CNBD2: variants seen among roughly 807,000 people sequenced by gnomAD.
CNBD2 encodes cyclic nucleotide-binding domain-containing protein 2.
A neutral mutation model predicts 63.7 loss-of-function variants in CNBD2; 64 were observed. The observed-to-expected ratio is 1.00, with a 90% confidence interval of 0.82 to 1.24. The LOEUF is 1.24. Among genes scored for constraint, CNBD2 ranks in the 50% most tolerant of loss-of-function variants. The pLI is 0.00. For synonymous variants in CNBD2, 229 were observed against 255.4 expected (o/e 0.90, Z 0.99); for missense variants, 691 against 713.5 (o/e 0.97, Z 0.36).
At chr20:36,027,759 T>C (rs1359594224) in intron 11 of CNBD2, among the ~76,000 whole-genome samples, 1 of 151,604 alleles carries the variant, frequency 6.6e-6, no homozygotes, top group Non-Finnish European at 1.5e-5. Context: ...CACTGCAAAC[T>C]CTGCCTCCTG....
At chr20:35,958,442 A>G (rs983519316), downstream of CNBD2, among the ~76,000 whole-genome samples, 1 of 152,230 alleles carries the variant, frequency 6.6e-6, no homozygotes, top group Non-Finnish European at 1.5e-5. Context: ...AAAAAAATAA[A>G]TAAGTTTTTT....
chr20:35,981,706 C>G (rs574294852), intron 4 of CNBD2, among the ~76,000 whole-genome samples: 1 of 152,244 alleles, frequency 6.6e-6, no homozygotes, highest in East Asian at 1.9e-4. Flanking sequence ...TCCCAAAATG[C>G]TGGGATTACA....
chr20:35,994,967 T>C, intron 7 of CNBD2, 71 bp from the exon 8 acceptor site: 2 of 1,023,994 alleles, frequency 2.0e-6, no homozygotes, highest in South Asian at 1.4e-5. Flanking sequence ...TTAAGAGAGA[T>C]TTTCTTCAAA....
At chr20:35,981,246 C>T (rs1445674542) in intron 4 of CNBD2, among the ~76,000 whole-genome samples, 5 of 152,064 alleles carry the variant, frequency 3.3e-5, no homozygotes, top group African/African-American at 4.8e-5. Flanking sequence ...GTCCCCCTTT[C>T]CCCTTCCCAA....
At chr20:35,974,829 C>T (rs979742546) in intron 2 of CNBD2, 1 of 152,154 alleles carries the variant, frequency 6.6e-6, no homozygotes, top group African/African-American at 2.4e-5. Flanking sequence ...GCTGTGTGAT[C>T]CTTGGGCAAG....
At chr20:35,993,460 T>G (rs1203595477) in intron 7 of CNBD2, among the ~76,000 whole-genome samples, 1 of 152,240 alleles carries the variant, frequency 6.6e-6, no homozygotes, top group Non-Finnish European at 1.5e-5. Flanking sequence ...TTTAATTTTA[T>G]AAATTATGGT....
At chr20:35,962,300 C>T (rs1316888445) in intron 2 of CNBD2, among the ~76,000 whole-genome samples, 1 of 149,918 alleles carries the variant, frequency 6.7e-6, no homozygotes, top group East Asian at 2.0e-4. Context: ...GCTCTGTCGC[C>T]CAGGCTGGAG....
At chr20:36,005,175 C>T (rs966037573) in intron 8 of CNBD2, among the ~76,000 whole-genome samples, 2 of 152,148 alleles carry the variant, frequency 1.3e-5, no homozygotes, top group East Asian at 1.9e-4. Context: ...AATAGTTCAG[C>T]GGTCCCCAAA....
At chr20:35,983,293 G>GAT (rs1022790125) in intron 4 of CNBD2, among the ~76,000 whole-genome samples, 4 of 151,986 alleles carry the variant, frequency 2.6e-5, no homozygotes, top group African/African-American at 9.7e-5. Context: ...AGACACCACT[G>GAT]ATATTTATTT....
intron 4 of CNBD2, among the ~76,000 whole-genome samples, chr20:35,982,417 C>T (rs535227411): frequency 1.3e-5 from 2 of 152,162 alleles, no homozygotes; most frequent in African/African-American, 2.4e-5. Context: ...TTTCCTTTCC[C>T]GTGAAGTGCA....
chr20:35,996,326 C>G (rs1354576237), intron 8 of CNBD2, among the ~76,000 whole-genome samples: 1 of 152,148 alleles, frequency 6.6e-6, no homozygotes, highest in Non-Finnish European at 1.5e-5. Flanking sequence ...CATATTTTGG[C>G]TGCTGTGTGT....
intron 8 of CNBD2, among the ~76,000 whole-genome samples, chr20:36,004,317 T>G (rs1249025861): frequency 2.0e-5 from 3 of 152,192 alleles, no homozygotes; most frequent in Admixed American, 6.5e-5. Flanking sequence ...TGCAGATCTT[T>G]GGAGTTCTGT....
At chr20:36,019,158 T>C (rs2057173593) in intron 10 of CNBD2, among the ~76,000 whole-genome samples, 1 of 150,352 alleles carries the variant, frequency 6.7e-6, no homozygotes, top group African/African-American at 2.4e-5. Context: ...GGTGGGGAGG[T>C]TCTTAAATGG....
intron 4 of CNBD2, among the ~76,000 whole-genome samples, chr20:35,983,367 C>T (rs1005852748): frequency 1.3e-5 from 2 of 152,010 alleles, no homozygotes; most frequent in South Asian, 2.1e-4. Flanking sequence ...GACTTGCATA[C>T]GAAATACAGA....
chr20:35,981,042 C>CT (rs1450582481), intron 4 of CNBD2, among the ~76,000 whole-genome samples: 1 of 152,206 alleles, frequency 6.6e-6, no homozygotes, highest in African/African-American at 2.4e-5. Context: ...TGAATTACCA[C>CT]TGAGGTCAGT....
At chr20:35,963,784 G>C (rs561920787), upstream of CNBD2, among the ~76,000 whole-genome samples, 1 of 152,264 alleles carries the variant, frequency 6.6e-6, no homozygotes, top group South Asian at 2.1e-4. Flanking sequence ...GTTGAAACAT[G>C]TCAGTAGGCT....
intron 8 of CNBD2, among the ~76,000 whole-genome samples, chr20:36,000,867 T>C (rs1411246768): frequency 6.6e-6 from 1 of 151,458 alleles, no homozygotes; most frequent in East Asian, 1.9e-4. Context: ...CAAAGGTCTC[T>C]GGTTTTCCTA....
chr20:35,991,488 CTCCT>C, intron 7 of CNBD2, among the ~76,000 whole-genome samples: 1 of 152,274 alleles, frequency 6.6e-6, no homozygotes, highest in Non-Finnish European at 1.5e-5. Flanking sequence ...GCAGTTCCTT[CTCCT>C]CCTTGATATT....
intron 2 of CNBD2, chr20:35,973,619 C>T (rs920688985): frequency 1.3e-5 from 2 of 152,252 alleles, no homozygotes; most frequent in East Asian, 3.8e-4. Flanking sequence ...CCTTGTTAGC[C>T]AGGATGGTCT....
Sources: allele counts gnomAD v4.1 joint callset (sites outside exome capture counted in the v4.1 genomes callset), GRCh38; gene constraint gnomAD v4.1.1; transcripts MANE v1.5; gene names NCBI Gene and HGNC (gene_info 2026-07-23, HGNC 2026-07-21).